STRADB: variants seen among roughly 807,000 people sequenced by gnomAD.
STRADB encodes STE20 related adaptor beta, also known as STE20-related kinase adapter protein beta.
STRADB carries 34 observed loss-of-function variants against 52.1 expected under a neutral mutation model. The observed-to-expected ratio is 0.65, with a 90% CI of 0.50 to 0.87. STRADB has a LOEUF of 0.87. Ranked by LOEUF, STRADB falls within the 40% of genes least tolerant of loss-of-function variation. The pLI is 0.00. For missense variants in STRADB, 340 were observed against 483.9 expected (o/e 0.70, Z 2.79); for synonymous variants, 133 against 174.5 (o/e 0.76, Z 1.87).
rs756392318 is a variant in STRADB at position 201,474,677 on chromosome 2, C to A, written c.346C>A (p.His116Asn). The A allele has an allele frequency of 2.5e-6, 4 of 1,611,998 alleles. No individual in the cohort carries two copies. In the South Asian group the frequency reaches 4.4e-5, roughly 18 times the overall value. Residue 116 changes from histidine (H) to asparagine (N), a missense_variant, in exon 6 of 12, where the codon CAT becomes AAT. By Grantham distance (68) the His-to-Asn change is moderately conservative. Transcript: ENST00000194530. ...KAVILSHFFR[H>N]PNITTYWTVF... is the part of the protein sequence containing the mutation. The stretch of plus-strand genomic sequence containing the variant: ...CGTGATTCTATCCCACTTTTTCCGG[C>A]ATCCCAATATTACAACTTATTGGAC...
chr2:201,461,206 T>TA (rs891782728), intron 3 of STRADB, among the ~76,000 whole-genome samples: 3 of 152,234 alleles, frequency 2.0e-5, no homozygotes, highest in African/African-American at 7.2e-5. Context: ...CTATTTTTTT[T>TA]AGAGATGGCA....
intron 3 of STRADB, among the ~76,000 whole-genome samples, chr2:201,464,139 T>C (rs563723256): frequency 6.6e-6 from 1 of 152,294 alleles, no homozygotes; most frequent in African/African-American, 2.4e-5. Context: ...TTGATGCTTG[T>C]GGATGTTCAT....
At chr2:201,475,052 T>C (rs1220864054) in intron 6 of STRADB, among the ~76,000 whole-genome samples, 1 of 152,220 alleles carries the variant, frequency 6.6e-6, no homozygotes, top group Non-Finnish European at 1.5e-5. Flanking sequence ...CTACTGTTAT[T>C]CTGCAGGAAG....
At chr2:201,472,506 A>C (rs907417291) in intron 4 of STRADB, among the ~76,000 whole-genome samples, 6 of 152,184 alleles carry the variant, frequency 3.9e-5, no homozygotes, top group Non-Finnish European at 8.8e-5. Context: ...ACACAAAAGA[A>C]GTTGACAACT....
chr2:201,467,000 T>C (rs1369537537), intron 3 of STRADB, among the ~76,000 whole-genome samples: 1 of 152,310 alleles, frequency 6.6e-6, no homozygotes, highest in East Asian at 1.9e-4. Context: ...GCTTGATTAT[T>C]GAACTATGAT....
At chr2:201,473,952 G>C (rs1411377436) in intron 5 of STRADB, among the ~76,000 whole-genome samples, 2 of 147,776 alleles carry the variant, frequency 1.4e-5, no homozygotes, top group African/African-American at 5.0e-5. Flanking sequence ...GTGCAGTGGC[G>C]CGATCTTGGC....
chr2:201,463,094 T>A (rs1952242541), intron 3 of STRADB, among the ~76,000 whole-genome samples: 1 of 152,192 alleles, frequency 6.6e-6, no homozygotes, highest in African/African-American at 2.4e-5. Flanking sequence ...TCCCAGCACT[T>A]TGGGAGGCCA....
intron 3 of STRADB, among the ~76,000 whole-genome samples, chr2:201,468,085 C>CTTTTTTTTTTTTTTTT (rs536551120): frequency 4.2e-4 from 30 of 71,004 alleles, no homozygotes; most frequent in African/African-American, 4.9e-4. Context: ...TTTTTTTTTT[C>CTTTTTTTTTTTTTTTT]TTTTTTTTTT....
intron 11 of STRADB, 163 bp from the exon 12 acceptor site, chr2:201,479,869 C>T (rs923830715): frequency 1.1e-4 from 89 of 830,614 alleles, no homozygotes; most frequent in Non-Finnish European, 1.5e-4. Flanking sequence ...TTTGGCTCTT[C>T]TTCCTGTTTT....
Position 201,454,786 on chromosome 2 carries a change from C to T in STRADB, c.-55C>T, listed in dbSNP as rs911984071. 3 of 1,540,336 alleles carry T rather than the reference C, an allele frequency of 1.9e-6. No homozygotes were observed. Among genetic ancestry groups the T allele is most frequent in the Admixed American group, 3.9e-5 (2 of 51,702 alleles). On this transcript the variant is annotated 5_prime_UTR_variant, in exon 2 of 12. Transcript: ENST00000194530. The stretch of plus-strand genomic sequence containing the variant: ...TCTTGAAAGGAAGATAAAACAAAAG[C>T]CTTCTTTGGAATAGATGGATTTTTG...
At position 201,454,814 on chromosome 2, in the gene STRADB, A is replaced by C. The variant is rs1952103251; in HGVS notation, c.-27A>C. ...TCTTTGGAATAGATGGATTTTTGTCACTTTCTGTGTGAACTAAAGTGATTC... is the reference window on the plus strand; with the variant it reads ...TCTTTGGAATAGATGGATTTTTGTCCCTTTCTGTGTGAACTAAAGTGATTC... On this transcript the variant is annotated 5_prime_UTR_variant, in exon 2 of 12. Transcript: ENST00000194530. The C allele has an allele frequency of 6.2e-7, 1 of 1,600,470 alleles. No individual in the cohort carries two copies. The highest frequency in any genetic ancestry group is 1.3e-5 in the African/African-American group (1 of 74,408).
intron 3 of STRADB, among the ~76,000 whole-genome samples, chr2:201,464,567 C>T (rs1952269050): frequency 6.6e-6 from 1 of 152,166 alleles, no homozygotes; most frequent in African/African-American, 2.4e-5. Context: ...CTGGGTCTTG[C>T]CCCAGGCCTG....
At chr2:201,476,035 G>A (rs1004324372) in intron 7 of STRADB, among the ~76,000 whole-genome samples, 1 of 152,206 alleles carries the variant, frequency 6.6e-6, no homozygotes, top group Non-Finnish European at 1.5e-5. Flanking sequence ...GAGATGAGCT[G>A]TAGGAAATGG....
At chr2:201,476,100 C>T (rs1325763900) in intron 7 of STRADB, among the ~76,000 whole-genome samples, 1 of 152,116 alleles carries the variant, frequency 6.6e-6, no homozygotes, top group Non-Finnish European at 1.5e-5. Flanking sequence ...AAATGAAGAG[C>T]TTCATTATCT....
At position 201,465,265 on chromosome 2, in the gene STRADB, G is replaced by T. The variant is rs1022852187; in HGVS notation, c.94-4688G>T. ...CAAGGCCCACAGCAGGTACTGCCTG[G>T]ATACTGTTGATGTTTATTCAAGGCG... On this transcript the variant is annotated intron_variant, in intron 3 of 11. Coordinates refer to ENST00000194530, the MANE Select transcript of STRADB (RefSeq NM_018571.6). Among the ~76,000 whole-genome samples the T allele has an allele frequency of 4.6e-5, 7 of 152,334 alleles. No homozygotes were observed. The South Asian group carries it at 1.5e-3, about 32-fold the overall frequency.
intron 1 of STRADB, among the ~76,000 whole-genome samples, chr2:201,453,557 A>T (rs1283984451): frequency 6.6e-6 from 1 of 152,180 alleles, no homozygotes; most frequent in African/African-American, 2.4e-5. Context: ...TCCTTAGAAT[A>T]GATCACTCCG....
At position 201,454,747 on chromosome 2, in the gene STRADB, A is replaced by G; in HGVS notation, c.-94A>G. 1 of 1,225,468 alleles carries G rather than the reference A, an allele frequency of 8.2e-7. No homozygotes were observed. The highest frequency in any genetic ancestry group is 2.3e-5 in the Admixed American group (1 of 42,994). 75.9% of individuals were successfully genotyped at this position (1,225,468 alleles called of 1,614,324 possible). Reference sequence around the variant, plus strand: ...TTATTTTGCTTTTGTTTTTTATAGTAGGATATATCTGCATCTTGAAAGGAA... The same window carrying G: ...TTATTTTGCTTTTGTTTTTTATAGTGGGATATATCTGCATCTTGAAAGGAA... On this transcript the variant is annotated splice_region_variant and 5_prime_UTR_variant, in exon 2 of 12. Coordinates refer to ENST00000194530, the MANE Select transcript of STRADB (RefSeq NM_018571.6).
At chr2:201,477,902 T>C (rs1952504838) in intron 8 of STRADB, 112 bp downstream of exon 8, 1 of 1,338,548 alleles carries the variant, frequency 7.5e-7, no homozygotes. Flanking sequence ...CTGCAAGACT[T>C]TATTTCTCTT....
At chr2:201,462,372 T>C (rs531856403) in intron 3 of STRADB, among the ~76,000 whole-genome samples, 21 of 152,328 alleles carry the variant, frequency 1.4e-4, no homozygotes, top group African/African-American at 5.1e-4. Flanking sequence ...TCTATGTCTA[T>C]TCATTGGAGA....
Sources: allele counts gnomAD v4.1 joint callset (sites outside exome capture counted in the v4.1 genomes callset), GRCh38; gene constraint gnomAD v4.1.1; transcripts MANE v1.5; gene names NCBI Gene and HGNC (gene_info 2026-07-23, HGNC 2026-07-21).